Variants in CADM2 observed in about 807,000 individuals in gnomAD.
CADM2 encodes the protein immunoglobulin superfamily member 4D.
A neutral mutation model predicts 49.8 loss-of-function variants in CADM2; 12 were observed. The ratio of observed to expected loss-of-function variants is 0.24; its 90% CI spans 0.15 to 0.39. The LOEUF is 0.39. Ranked by LOEUF, CADM2 falls within the 10% of genes least tolerant of loss-of-function variation. CADM2 has a pLI of 1.00. For synonymous variants in CADM2, 214 were observed against 175.4 expected, an observed-to-expected ratio of 1.22 and a Z score of -1.74; for missense variants, 378 against 492.3, an observed-to-expected ratio of 0.77 and a Z score of 2.20.
At chr3:85,461,804 C>T (rs2038258887) in intron 1 of CADM2, among the ~76,000 whole-genome samples, 1 of 152,158 alleles carries the variant, frequency 6.6e-6, no homozygotes, top group Admixed American at 6.6e-5. Context: ...GTCAGTTGTC[C>T]TATCATCTAT....
intron 1 of CADM2, among the ~76,000 whole-genome samples, chr3:85,447,190 T>C (rs949417681): frequency 5.3e-5 from 8 of 151,538 alleles, no homozygotes; most frequent in South Asian, 2.1e-4. Context: ...GTGTCAAATA[T>C]TGGGGACAAG....
chr3:86,012,868 G>C (rs535788123), intron 8 of CADM2: 3 of 544,870 alleles, frequency 5.5e-6, no homozygotes, highest in South Asian at 3.9e-5. Context: ...CCAGCTACTC[G>C]GGAGGCTGAG....
At chr3:85,058,693 C>T (rs2036187235) in intron 1 of CADM2, among the ~76,000 whole-genome samples, 1 of 152,048 alleles carries the variant, frequency 6.6e-6, no homozygotes, top group African/African-American at 2.4e-5. Context: ...GATCTGCCCA[C>T]CTCAGCCTCC....
chr3:85,199,089 A>G (rs1460877481), intron 1 of CADM2, among the ~76,000 whole-genome samples: 1 of 151,846 alleles, frequency 6.6e-6, no homozygotes, highest in East Asian at 1.9e-4. Flanking sequence ...CTTACAATAC[A>G]TTGTCCTTTA....
At chr3:85,844,019 C>G (rs528057353) in intron 3 of CADM2, among the ~76,000 whole-genome samples, 200 of 152,140 alleles carry the variant, frequency 1.3e-3, no homozygotes, top group African/African-American at 4.5e-3. Context: ...GGATCGGTCC[C>G]AGCACCACTT....
intron 1 of CADM2, among the ~76,000 whole-genome samples, chr3:85,629,321 C>T (rs1355557667): frequency 6.6e-6 from 1 of 151,706 alleles, no homozygotes; most frequent in East Asian, 1.9e-4. Flanking sequence ...ACGAAGCCTA[C>T]TAAAATAAAT....
At chr3:85,897,099 G>A (rs992967913) in intron 5 of CADM2, among the ~76,000 whole-genome samples, 5 of 151,980 alleles carry the variant, frequency 3.3e-5, no homozygotes, top group Non-Finnish European at 5.9e-5. Context: ...TCCTAAAGTA[G>A]TAAATTTAGA....
At chr3:85,438,380 G>T (rs1179516747) in intron 1 of CADM2, among the ~76,000 whole-genome samples, 1 of 149,586 alleles carries the variant, frequency 6.7e-6, no homozygotes, top group African/African-American at 2.5e-5. Flanking sequence ...AAAAAAACAC[G>T]TTTGATACTT....
At chr3:85,016,809 A>AAAAAG (rs551555762) in intron 1 of CADM2, among the ~76,000 whole-genome samples, 28 of 152,090 alleles carry the variant, frequency 1.8e-4, no homozygotes, top group East Asian at 3.9e-4. Context: ...AAATAAAAAG[A>AAAAAG]AAAAGAAAAG....
At chr3:85,264,749 A>C (rs2043085801) in intron 1 of CADM2, among the ~76,000 whole-genome samples, 1 of 152,114 alleles carries the variant, frequency 6.6e-6, no homozygotes, top group African/African-American at 2.4e-5. Context: ...ATAGTATAGT[A>C]AATAATTAGA....
At chr3:85,886,099 T>C in intron 4 of CADM2, 91 bp from the exon 5 acceptor site, 2 of 1,546,466 alleles carry the variant, frequency 1.3e-6, no homozygotes, top group Non-Finnish European at 1.8e-6. Flanking sequence ...CAATTAACCA[T>C]CCAGTTCAGT....
At chr3:85,827,287 T>C (rs2073961739) in intron 3 of CADM2, among the ~76,000 whole-genome samples, 1 of 152,018 alleles carries the variant, frequency 6.6e-6, no homozygotes, top group South Asian at 2.1e-4. Context: ...TTGCAGTCTC[T>C]TTTCAAATGT....
intron 1 of CADM2, chr3:85,385,772 T>C (rs2034189572): frequency 6.7e-6 from 1 of 148,278 alleles, no homozygotes; most frequent in Admixed American, 6.9e-5. Context: ...AACAAACACC[T>C]GTAAAACAGC....
At chr3:85,109,856 A>C (rs1361304429) in intron 1 of CADM2, among the ~76,000 whole-genome samples, 1 of 151,978 alleles carries the variant, frequency 6.6e-6, no homozygotes, top group African/African-American at 2.4e-5. Flanking sequence ...CGTTGGTTCA[A>C]ATTTTACTAT....
intron 1 of CADM2, among the ~76,000 whole-genome samples, chr3:85,230,841 T>C (rs2042269745): frequency 6.6e-6 from 1 of 152,154 alleles, no homozygotes; most frequent in South Asian, 2.1e-4. Context: ...TTCTCATTAC[T>C]GACAGGTAGA....
intron 1 of CADM2, among the ~76,000 whole-genome samples, chr3:85,384,205 T>G (rs2034073606): frequency 6.7e-6 from 1 of 150,024 alleles, no homozygotes; most frequent in South Asian, 2.1e-4. Flanking sequence ...TTGTTATATA[T>G]TTTTTGCTGA....
chr3:85,886,336 T>C lies in CADM2; in HGVS notation c.529+9T>C, dbSNP rs369901698. The stretch of plus-strand genomic sequence containing the variant: ...TGACAAAGAGATTAAAGGTAAAGAA[T>C]AGAAAAATGAAAATCAAAATTAATG... On this transcript the variant is annotated intron_variant, in intron 5 of 9. Transcript: ENST00000383699. The C allele has an allele frequency of 3.9e-4, 619 of 1,594,518 alleles. 1 individual carries two copies. The highest frequency in any genetic ancestry group is 5.1e-4 in the Non-Finnish European group (588 of 1,163,284).
chr3:85,543,420 A>ATGTGTGTGGGTG lies in CADM2; in HGVS notation c.62-183094_62-183093insGGTGTGTGTGTG, dbSNP rs372108050. Among the ~76,000 whole-genome samples, 29 of 129,642 alleles carry ATGTGTGTGGGTG rather than the reference A, an allele frequency of 2.2e-4. 2 individuals carry two copies. Among genetic ancestry groups the ATGTGTGTGGGTG allele is most frequent in the Non-Finnish European group, 4.2e-4 (25 of 60,214 alleles). 85.1% of individuals were successfully genotyped at this position (129,642 alleles called of 152,430 possible). A position where few individuals can be genotyped will look rare whatever the true frequency, so the allele number is the denominator to read the frequency against. The stretch of plus-strand genomic sequence containing the variant: ...CAGGCACCGCCACCATGCCAAGCTA[A>ATGTGTGTGGGTG]TGTGTGTGTGTGTGTGTGTGTGTGT... On this transcript the variant is annotated intron_variant, in intron 1 of 9. Coordinates refer to ENST00000383699, the MANE Select transcript of CADM2 (RefSeq NM_001167675.2).
At chr3:85,352,383 T>C (rs2031437152) in intron 1 of CADM2, among the ~76,000 whole-genome samples, 1 of 152,122 alleles carries the variant, frequency 6.6e-6, no homozygotes, top group South Asian at 2.1e-4. Context: ...AAAAATAACA[T>C]CAAGATTATA....
Sources: gnomAD v4.1 joint callset for allele counts (sites outside exome capture counted in the v4.1 genomes callset) on GRCh38, gnomAD v4.1.1 for gene constraint, MANE v1.5 for transcripts, NCBI Gene and HGNC (gene_info 2026-07-23, HGNC 2026-07-21) for gene names.